The following NCAPD2 variants were observed in gnomAD, a reference collection of about 807,000 sequenced individuals.
NCAPD2 encodes the protein condensin complex subunit 1.
Under a neutral mutation model 164.5 loss-of-function variants are expected in NCAPD2, and 100 were observed. The observed-to-expected ratio is 0.61, with a 90% CI of 0.52 to 0.72. NCAPD2 has a LOEUF of 0.72. Among genes scored for constraint, NCAPD2 ranks in the 30% least tolerant of loss-of-function variants. The pLI is 0.00. For missense variants in NCAPD2, 1,560 were observed against 1,749.2 expected (o/e 0.89, Z 1.93); for synonymous variants, 585 against 642.6 (o/e 0.91, Z 1.36).
intron 2 of NCAPD2, among the ~76,000 whole-genome samples, chr12:6,502,873 C>T (rs1335105215): frequency 6.6e-6 from 1 of 151,596 alleles, no homozygotes; most frequent in Non-Finnish European, 1.5e-5. Flanking sequence ...TTTTTTGAGA[C>T]GGAGTCTCAC....
rs145700246 is a variant in NCAPD2, at chr12:6,529,843, G to C, written c.3722G>C (p.Arg1241Pro). 1.2e-6 allele frequency: 2 copies of C among 1,614,144 alleles called. No individual in the cohort carries two copies. Among genetic ancestry groups the C allele is most frequent in the Non-Finnish European group, 1.7e-6 (2 of 1,180,054 alleles). Residue 1241 changes from arginine to proline, a missense_variant, in exon 29 of 32, where the codon CGT (arginine) becomes CCT (proline). Coordinates refer to ENST00000315579, the MANE Select transcript of NCAPD2 (RefSeq NM_014865.4). ...CTGCCCCTCACAGAGCGAGGCCTCC[G>C]TAAGATGCTTGACAATTTTGACTGT... ...SQLPLTERGL[R>P]KMLDNFDCFG...
At chr12:6,510,161 G>A (rs780063221) in intron 4 of NCAPD2, 28 bp downstream of exon 4, 4 of 1,578,686 alleles carry the variant, frequency 2.5e-6, no homozygotes, top group South Asian at 1.1e-5. Flanking sequence ...GGTAGGGGAT[G>A]GAAGGTGTTT....
chr12:6,507,453 T>C (rs1404421720), intron 2 of NCAPD2, among the ~76,000 whole-genome samples: 1 of 152,282 alleles, frequency 6.6e-6, no homozygotes, highest in Admixed American at 6.5e-5. Context: ...GTGCCTCTCC[T>C]TGGCCAGTCG....
At position 6,526,474 on chromosome 12, in the gene NCAPD2, A is replaced by G; in HGVS notation, c.2593A>G (p.Ile865Val). ...CTTTGTCCACCCAGACCCACTCTGG[A>G]TCCCATTCAAAGAGGTGGCAGTGAC... is the stretch of plus-strand genomic sequence containing the variant. ...KGFVHPDPLW[I>V]PFKEVAVTLI... is the part of the protein sequence containing the mutation. Residue 865 changes from isoleucine (I) to valine (V), a missense_variant, in exon 21 of 32, where the codon ATC (isoleucine) becomes GTC (valine). Ile to Val is a conservative substitution (Grantham distance 29). Transcript: ENST00000315579. The G allele has an allele frequency of 6.2e-7, 1 of 1,614,072 alleles. No individual in the cohort carries two copies. The highest frequency in any genetic ancestry group is 8.5e-7 in the Non-Finnish European group (1 of 1,180,006).
intron 13 of NCAPD2, among the ~76,000 whole-genome samples, chr12:6,520,273 A>C (rs1946252859): frequency 6.6e-6 from 1 of 151,094 alleles, no homozygotes; most frequent in Non-Finnish European, 1.5e-5. Flanking sequence ...AGAGTGTCTC[A>C]CTCTTTTGCC....
At chr12:6,503,838 G>C (rs1201227290) in intron 2 of NCAPD2, among the ~76,000 whole-genome samples, 2 of 150,752 alleles carry the variant, frequency 1.3e-5, no homozygotes, top group African/African-American at 4.9e-5. Context: ...AATTAGCTAG[G>C]TGTGGTGGCA....
At position 6,499,069 on chromosome 12, in the gene NCAPD2, TA is replaced by T. The variant is rs567409501; in HGVS notation, c.127+3845del. On this transcript the variant is annotated intron_variant, in intron 2 of 31. Coordinates refer to ENST00000315579, the MANE Select transcript of NCAPD2 (RefSeq NM_014865.4). ...CTACTAATGGGTGAGTAGGGTTGCA[TA>T]TACAGTGTGGATATGTTGGACAAAG... 3.7e-4 allele frequency among the ~76,000 whole-genome samples: 56 copies of T among 152,214 alleles called. 1 individual carries two copies. The South Asian group carries it at 7.5e-3, about 20-fold the overall frequency.
intron 2 of NCAPD2, among the ~76,000 whole-genome samples, chr12:6,503,932 C>T (rs1946063782): frequency 6.6e-6 from 1 of 151,978 alleles, no homozygotes; most frequent in Non-Finnish European, 1.5e-5. Flanking sequence ...GAGCTAACAT[C>T]ATGCCACTGC....
chr12:6,512,114 A>C (rs998263569), intron 6 of NCAPD2, among the ~76,000 whole-genome samples: 33 of 151,002 alleles, frequency 2.2e-4, no homozygotes, highest in South Asian at 6.3e-4. Flanking sequence ...CTAAAAATAC[A>C]AAAAAAAATT....
intron 13 of NCAPD2, 57 bp from the exon 14 acceptor site, chr12:6,520,929 C>T: frequency 6.2e-7 from 1 of 1,609,188 alleles, no homozygotes; most frequent in African/African-American, 1.3e-5. Flanking sequence ...GGTAAGCTCC[C>T]TTACAAACGG....
rs1945966229 is a variant in NCAPD2 at position 6,495,178 on chromosome 12, T to C, written c.80T>C (p.Val27Ala). The C allele has an allele frequency of 1.2e-6, 2 of 1,614,034 alleles. No homozygotes were observed. Among genetic ancestry groups the C allele is most frequent in the African/African-American group, 2.7e-5 (2 of 74,914 alleles). Residue 27 changes from valine (V) to alanine (A), a missense_variant, in exon 2 of 32, where the codon GTT (valine) becomes GCT (alanine). Coordinates refer to ENST00000315579, the MANE Select transcript of NCAPD2 (RefSeq NM_014865.4). ...AAAAGTGGAGGGGTGAATCAGTATG[T>C]TGTGCAAGAGGTACTGTCCATCAAA... ...LLKSGGVNQY[V>A]VQEVLSIKHL... is the part of the protein sequence containing the mutation.
At chr12:6,521,399 G>A (rs559080950) in intron 14 of NCAPD2, among the ~76,000 whole-genome samples, 114 of 152,312 alleles carry the variant, frequency 7.5e-4, no homozygotes, top group Non-Finnish European at 1.1e-3. Context: ...GAGATATCCA[G>A]GGCCAGATGT....
Position 6,531,490 on chromosome 12 carries a change from T to C in NCAPD2, c.*78T>C. The C allele has an allele frequency of 1.9e-6, 3 of 1,562,978 alleles. No individual in the cohort carries two copies. The highest frequency in any genetic ancestry group is 3.9e-5 in the Admixed American group (2 of 51,698). ...TTCGAATTCTGTTTCCCTTGTAAAA[T>C]ATTTGTCTGTCTCTTTTTTTTAAAA... is the stretch of plus-strand genomic sequence containing the variant. On this transcript the variant is annotated 3_prime_UTR_variant, in exon 32 of 32. Transcript: ENST00000315579. The surrounding 1 kb of genome is among the most constrained non-coding windows in gnomAD (Gnocchi z 4.1).
rs1191451804 is a variant in NCAPD2 at position 6,514,817 on chromosome 12, C to G, written c.884C>G (p.Ser295Ter). ...CCCCAAGAGCTGAGTCGAGACCCTTCAGGGACAAAGGGCTTTGCAGCATTC... is the reference window on the plus strand; with the variant it reads ...CCCCAAGAGCTGAGTCGAGACCCTTGAGGGACAAAGGGCTTTGCAGCATTC... ...KCPQELSRDPSGTKGFAAFLT... is the reference protein window; with the variant it reads ...KCPQELSRDP The change falls in exon 9 of 32, where the codon TCA becomes TGA. Residue 295 changes from serine (S) to a stop codon, truncating the protein, a stop_gained. Coordinates refer to ENST00000315579, the MANE Select transcript of NCAPD2 (RefSeq NM_014865.4). LOFTEE classifies it high-confidence loss of function. The G allele has an allele frequency of 1.2e-6, 2 of 1,614,106 alleles. No individual in the cohort carries two copies. The highest frequency in any genetic ancestry group is 8.5e-7 in the Non-Finnish European group (1 of 1,180,046).
chr12:6,518,505 T>TTTTTG (rs1491467466), intron 13 of NCAPD2, among the ~76,000 whole-genome samples: 1 of 62,208 alleles, frequency 1.6e-5, no homozygotes, highest in African/African-American at 8.4e-5. Flanking sequence ...CGTCAACAAG[T>TTTTTG]TTTTTTTTTT....
chr12:6,498,850 C>T (rs761692214), intron 2 of NCAPD2, among the ~76,000 whole-genome samples: 7 of 152,096 alleles, frequency 4.6e-5, no homozygotes, highest in Non-Finnish European at 1.0e-4. Context: ...TGGATCTGCC[C>T]ACCTCGGCCT....
intron 6 of NCAPD2, among the ~76,000 whole-genome samples, chr12:6,512,020 G>C (rs1023818923): frequency 6.6e-6 from 1 of 151,776 alleles, no homozygotes; most frequent in Non-Finnish European, 1.5e-5. Context: ...GGTGGCTCAC[G>C]CCTGTAATCC....
At chr12:6,518,517 T>TGTTTG (rs1565544180) in intron 13 of NCAPD2, among the ~76,000 whole-genome samples, 1 of 113,054 alleles carries the variant, frequency 8.8e-6, no homozygotes, top group African/African-American at 3.7e-5. Flanking sequence ...TTTTTTTTTT[T>TGTTTG]TTTTTTTTTT....
chr12:6,518,599 C>T (rs558347923), intron 13 of NCAPD2, among the ~76,000 whole-genome samples: 1 of 136,244 alleles, frequency 7.3e-6, no homozygotes, highest in South Asian at 2.4e-4. Context: ...TGGCTCACTG[C>T]AACCTCTGCC....
Sources: gnomAD v4.1 joint callset for allele counts (sites outside exome capture counted in the v4.1 genomes callset) on GRCh38, gnomAD v4.1.1 for gene constraint, Gnocchi (gnomAD v3.1) non-coding constraint, MANE v1.5 for transcripts, NCBI Gene and HGNC (gene_info 2026-07-23, HGNC 2026-07-21) for gene names.